SLC25A30: variants seen among roughly 807,000 people sequenced by gnomAD.
SLC25A30 encodes kidney mitochondrial carrier protein 1.
Under a neutral mutation model 42.7 loss-of-function variants are expected in SLC25A30, and 29 were observed. That is an observed-to-expected ratio of 0.68 (90% confidence interval 0.51 to 0.93). The LOEUF is 0.93. Ranked by LOEUF, SLC25A30 falls within the 40% of genes least tolerant of loss-of-function variation. SLC25A30 has a pLI of 0.00. For synonymous variants in SLC25A30, 124 were observed against 131.0 expected (o/e 0.95, Z 0.37); for missense variants, 300 against 359.7 (o/e 0.83, Z 1.34).
At chr13:45,423,539 TATATATAAATACATAAAAAAA>T in the SLC25A30 span, among the ~76,000 whole-genome samples, 1 of 92,112 alleles carries the variant, frequency 1.1e-5, no homozygotes, top group African/African-American at 4.1e-5. Context: ...TATATACAAA[TATATATAAATACATAAAAAAA>T]ATATATAAAT....
chr13:45,416,215 C>T (rs1883518559), intron 1 of SLC25A30, among the ~76,000 whole-genome samples: 1 of 151,844 alleles, frequency 6.6e-6, no homozygotes, highest in African/African-American at 2.4e-5. Flanking sequence ...CGAGACCAGC[C>T]TGGCCAACAC....
the SLC25A30 span, among the ~76,000 whole-genome samples, chr13:45,426,373 C>A: frequency 4.6e-5 from 7 of 152,198 alleles, no homozygotes. Context: ...GCATGAGCCA[C>A]CGCCCCCGGC....
upstream of SLC25A30, among the ~76,000 whole-genome samples, chr13:45,419,848 T>A (rs1358671452): frequency 6.7e-6 from 1 of 149,896 alleles, no homozygotes; most frequent in African/African-American, 2.5e-5. Context: ...GAAAATCAGT[T>A]GAAGCTGGGA....
the SLC25A30 span, among the ~76,000 whole-genome samples, chr13:45,424,654 T>G: frequency 1.0e-3 from 70 of 67,756 alleles, 12 homozygotes; most frequent in Non-Finnish European, 1.3e-3. Flanking sequence ...TAAATATATA[T>G]AAATATATAG....
chr13:45,398,035 A>G (rs1018598635), intron 8 of SLC25A30: 8 of 985,294 alleles, frequency 8.1e-6, no homozygotes, highest in Non-Finnish European at 9.6e-6. Context: ...GATGAATACG[A>G]TAAGTGTCTT....
the SLC25A30 span, among the ~76,000 whole-genome samples, chr13:45,425,598 A>G: frequency 0.016 from 983 of 60,266 alleles, 149 homozygotes; most frequent in African/African-American, 0.064. Context: ...ATATATATAC[A>G]TATATATATA....
intron 6 of SLC25A30, among the ~76,000 whole-genome samples, chr13:45,402,033 C>T (rs900349207): frequency 1.8e-4 from 24 of 133,792 alleles, no homozygotes; most frequent in Non-Finnish European, 3.4e-4. Context: ...GCACTCCAGC[C>T]TGAGCAACAG....
intron 2 of SLC25A30, 102 bp from the exon 3 acceptor site, chr13:45,409,176 CTAAG>C: frequency 2.5e-6 from 2 of 814,580 alleles, no homozygotes; most frequent in East Asian, 6.5e-5. Flanking sequence ...ACAATATAAA[CTAAG>C]AAAGTGATTA....
Position 45,394,974 on chromosome 13 carries a change from T to C in SLC25A30, c.*1000A>G. On this transcript the variant is annotated 3_prime_UTR_variant, in exon 10 of 10. Coordinates refer to ENST00000519676, the MANE Select transcript of SLC25A30 (RefSeq NM_001010875.4). ...ACTAAAGCCTGAACTTATACAGTGT[T>C]CTTTCTTCAACAAGACCTTAACAAA... The C allele has an allele frequency of 1.0e-6, 1 of 985,464 alleles. No individual in the cohort carries two copies. The highest frequency in any genetic ancestry group is 1.2e-6 in the Non-Finnish European group (1 of 829,936). The allele number at this position is 985,464 out of a possible 1,614,324, so 61.0% of individuals were successfully genotyped here.
chr13:45,419,132 A>T (rs1400369832), upstream of SLC25A30, among the ~76,000 whole-genome samples: 1 of 68,676 alleles, frequency 1.5e-5, no homozygotes, highest in Non-Finnish European at 4.8e-5. Flanking sequence ...CTCCCTCTTA[A>T]AAAAAAAAAA....
upstream of SLC25A30, among the ~76,000 whole-genome samples, chr13:45,422,926 C>G (rs565604520): frequency 6.6e-6 from 1 of 152,132 alleles, no homozygotes; most frequent in Non-Finnish European, 1.5e-5. Context: ...TCCAGGAAGT[C>G]TCTCCTAATC....
At chr13:45,398,047 G>A in intron 8 of SLC25A30, 1 of 985,358 alleles carries the variant, frequency 1.0e-6, no homozygotes, top group Non-Finnish European at 1.2e-6. Flanking sequence ...AAGTGTCTTT[G>A]CTTCATTAAG....
the SLC25A30 span, among the ~76,000 whole-genome samples, chr13:45,424,138 T>G: frequency 1.4e-5 from 1 of 68,980 alleles, no homozygotes; most frequent in African/African-American, 6.2e-5. Context: ...TATATAAATA[T>G]ATAAATATAA....
At chr13:45,423,564 TATAA>T in the SLC25A30 span, among the ~76,000 whole-genome samples, 5 of 100,618 alleles carry the variant, frequency 5.0e-5, no homozygotes, top group Admixed American at 4.4e-4. Flanking sequence ...AAAAAAAATA[TATAA>T]ATATATATAA....
chr13:45,428,421 C>G, the SLC25A30 span, among the ~76,000 whole-genome samples: 1 of 150,794 alleles, frequency 6.6e-6, no homozygotes, highest in African/African-American at 2.4e-5. Flanking sequence ...ACTGGCCAGG[C>G]TGATCTCGAT....
At chr13:45,403,755 G>A (rs369172076) in intron 5 of SLC25A30, among the ~76,000 whole-genome samples, 4 of 152,052 alleles carry the variant, frequency 2.6e-5, no homozygotes, top group African/African-American at 9.6e-5. Flanking sequence ...GGCCAAGATG[G>A]TGAAACCCCA....
In SLC25A30 at chr13:45,411,354, G is replaced by C. The variant is rs1404173302; in HGVS notation, c.64+8C>G. The C allele has an allele frequency of 6.2e-7, 1 of 1,609,868 alleles. No individual in the cohort carries two copies. The highest frequency in any genetic ancestry group is 1.7e-5 in the Admixed American group (1 of 60,018). On this transcript the variant is annotated splice_region_variant and intron_variant, in intron 2 of 9. Transcript: ENST00000519676. ...AGGCTACGTGATCCACCACCCTCAG[G>C]TCCTTACCGCACTCAGCAGTGATGG...
chr13:45,396,086 C>G, intron 9 of SLC25A30, 71 bp from the exon 10 acceptor site: 2 of 1,613,850 alleles, frequency 1.2e-6, no homozygotes, highest in East Asian at 2.2e-5. Context: ...AACAGACTTA[C>G]AAATGGCACA....
the SLC25A30 span, among the ~76,000 whole-genome samples, chr13:45,424,654 T>TAAATATATATAAATATATAG: frequency 0.016 from 1,107 of 67,748 alleles, 155 homozygotes; most frequent in African/African-American, 0.058. Flanking sequence ...TAAATATATA[T>TAAATATATATAAATATATAG]AAATATATAG....
Sources: gnomAD v4.1 joint callset for allele counts (sites outside exome capture counted in the v4.1 genomes callset) on GRCh38, gnomAD v4.1.1 for gene constraint, MANE v1.5 for transcripts, NCBI Gene and HGNC (gene_info 2026-07-23, HGNC 2026-07-21) for gene names.